FCGR1A: variants seen among roughly 807,000 people sequenced by gnomAD.
FCGR1A encodes Fc gamma receptor Ia.
In FCGR1A, 13 loss-of-function variants were observed where a neutral mutation model predicts 35.0. The observed-to-expected ratio is 0.37, with a 90% CI of 0.24 to 0.59. FCGR1A has a LOEUF of 0.59. Ranked by LOEUF, FCGR1A falls within the 20% of genes least tolerant of loss-of-function variation. The pLI, the probability that FCGR1A is intolerant of heterozygous loss-of-function variation, is 0.71. For synonymous variants in FCGR1A, 91 were observed against 164.7 expected (o/e 0.55, Z 3.43); for missense variants, 227 against 430.0 (o/e 0.53, Z 4.17).
rs1553751542 is a variant in FCGR1A, at chr1:149,790,147, T to C, written c.653T>C (p.Leu218Ser). Residue 218 changes from leucine (L) to serine (S), a missense_variant, in exon 5 of 6, where the codon TTG (leucine) becomes TCG (serine). Leu to Ser is a moderately radical substitution (Grantham distance 145, BLOSUM62 -2). Around this residue, in one of 3 missense-constraint regions of FCGR1A, gnomAD observed 185 missense variants for 306.6 expected, o/e 0.60. Transcript: ENST00000369168. ...VTLSCETKLL[L>S]QRPGLQLYFS... is the part of the protein sequence containing the mutation. ...CTGAGCTGTGAAACAAAGTTGCTCTTGCAGAGGCCTGGTTTGCAGCTTTAC... is the reference window on the plus strand; with the variant it reads ...CTGAGCTGTGAAACAAAGTTGCTCTCGCAGAGGCCTGGTTTGCAGCTTTAC... The C allele has an allele frequency of 1.2e-6, 2 of 1,613,972 alleles. No homozygotes were observed. The highest frequency in any genetic ancestry group is 2.2e-5 in the South Asian group (2 of 91,084).
downstream of FCGR1A, among the ~76,000 whole-genome samples, chr1:149,795,827 C>T (rs671102): frequency 9.2e-5 from 14 of 151,914 alleles, no homozygotes; most frequent in Non-Finnish European, 1.3e-4. Context: ...CTGAGCCATG[C>T]GTACCTAAAA....
downstream of FCGR1A, chr1:149,792,696 C>T: frequency 7.8e-7 from 1 of 1,282,040 alleles, no homozygotes; most frequent in Non-Finnish European, 1.0e-6. Context: ...CCAGCTGCGG[C>T]GAAAGCTGTT....
At chr1:149,784,563 G>C (rs1175383053) in intron 3 of FCGR1A, among the ~76,000 whole-genome samples, 2 of 151,706 alleles carry the variant, frequency 1.3e-5, no homozygotes, top group African/African-American at 4.8e-5. Flanking sequence ...TCAAACAAAT[G>C]AGCAATAATG....
intron 3 of FCGR1A, chr1:149,787,001 T>C (rs2091569888): frequency 6.6e-6 from 1 of 152,222 alleles, no homozygotes; most frequent in Non-Finnish European, 1.5e-5. Context: ...ATCAAGCCTA[T>C]TAATTGTGTC....
At position 149,791,277 on chromosome 1, in the gene FCGR1A, C is replaced by T. The variant is rs781858318; in HGVS notation, c.885C>T (p.Phe295=). 3.1e-6 allele frequency: 5 copies of T among 1,604,372 alleles called. No individual in the cohort carries two copies. The highest frequency in any genetic ancestry group is 2.7e-5 in the African/African-American group (2 of 73,538). ...CTCCTGTCTGGTTTCATGTCCTTTT[C>T]TATCTGGCAGTGGGAATAATGTTTT... The part of the protein sequence containing the change: ...LPTPVWFHVL[F]YLAVGIMFLV... Residue 295 remains phenylalanine, a synonymous_variant, in exon 6 of 6, where the codon TTC becomes TTT. Transcript: ENST00000369168.
the FCGR1A span, among the ~76,000 whole-genome samples, chr1:149,800,141 A>T: frequency 6.6e-6 from 1 of 152,050 alleles, no homozygotes; most frequent in Non-Finnish European, 1.5e-5. Flanking sequence ...TCAGAGAAAC[A>T]CTTGGGTTTA....
At chr1:149,785,408 GTTTTTTTT>G (rs10670379) in intron 3 of FCGR1A, among the ~76,000 whole-genome samples, 1 of 67,636 alleles carries the variant, frequency 1.5e-5, no homozygotes, top group Admixed American at 1.7e-4. Context: ...GAGCTGTTTC[GTTTTTTTT>G]TTTTTTTTTT....
the FCGR1A span, among the ~76,000 whole-genome samples, chr1:149,797,004 C>T: frequency 2.0e-5 from 3 of 152,192 alleles, no homozygotes; most frequent in Non-Finnish European, 2.9e-5. Flanking sequence ...CCTCCATCTC[C>T]CAGGTTCAAG....
At position 149,790,084 on chromosome 1, in the gene FCGR1A, C is replaced by G. The variant is rs587747067; in HGVS notation, c.590C>G (p.Ser197Cys). 81 of 1,613,860 alleles carry G rather than the reference C, an allele frequency of 5.0e-5. 1 individual carries two copies. In the African/African-American group the frequency reaches 8.7e-4, roughly 17 times the overall value. Residue 197 changes from serine (S) to cysteine (C), a missense_variant, in exon 5 of 6, where the codon TCT becomes TGT. Physicochemically the swap from Ser to Cys is moderately radical, Grantham distance 112 (BLOSUM62 -1). Coordinates refer to ENST00000369168, the MANE Select transcript of FCGR1A (RefSeq NM_000566.4). ...TTTCCAGCTCCAGTGCTGAATGCAT[C>G]TGTGACATCCCCACTCCTGGAGGGG... is the stretch of plus-strand genomic sequence containing the variant. ...ELFPAPVLNA[S>C]VTSPLLEGNL...
rs1553751548 is a variant in FCGR1A at position 149,790,183 on chromosome 1, A to G, written c.689A>G (p.Tyr230Cys). Reference protein sequence around the residue: ...RPGLQLYFSFYMGSKTLRGRN... With the variant: ...RPGLQLYFSFCMGSKTLRGRN... ...GGTTTGCAGCTTTACTTCTCCTTCTACATGGGCAGCAAGACCCTGCGAGGC... is the reference window on the plus strand; with the variant it reads ...GGTTTGCAGCTTTACTTCTCCTTCTGCATGGGCAGCAAGACCCTGCGAGGC... The change falls in exon 5 of 6, where the codon TAC becomes TGC. Residue 230 changes from tyrosine (Y) to cysteine (C), a missense_variant. Transcript: ENST00000369168. The G allele has an allele frequency of 6.2e-7, 1 of 1,613,798 alleles. No individual in the cohort carries two copies. Among genetic ancestry groups the G allele is most frequent in the East Asian group, 2.2e-5 (1 of 44,896 alleles).
At chr1:149,793,805 C>T (rs1553752503), downstream of FCGR1A, among the ~76,000 whole-genome samples, 1 of 151,798 alleles carries the variant, frequency 6.6e-6, no homozygotes, top group African/African-American at 2.4e-5. Context: ...GAGTTCAGGC[C>T]CGTTTCAGAA....
the FCGR1A span, among the ~76,000 whole-genome samples, chr1:149,799,097 T>A: frequency 7.0e-6 from 1 of 142,642 alleles, no homozygotes; most frequent in African/African-American, 2.7e-5. Context: ...TTTAGCAATA[T>A]CTTTTACCAA....
chr1:149,793,924 C>A (rs1553752520), downstream of FCGR1A: 1 of 1,285,584 alleles, frequency 7.8e-7, no homozygotes, highest in African/African-American at 1.5e-5. Context: ...TAAATGCCTT[C>A]AGGATTTAGG....
At position 149,791,528 on chromosome 1, in the gene FCGR1A, G is replaced by C; in HGVS notation, c.*11G>C. On this transcript the variant is annotated 3_prime_UTR_variant, in exon 6 of 6. Transcript: ENST00000369168. ...CAGGGGGCCACGTAGCAGCGGCTCAGTGGGTGGCCATCGATCTGGACCGTC... is the reference window on the plus strand; with the variant it reads ...CAGGGGGCCACGTAGCAGCGGCTCACTGGGTGGCCATCGATCTGGACCGTC... The C allele has an allele frequency of 6.2e-7, 1 of 1,610,582 alleles. No individual in the cohort carries two copies. The highest frequency in any genetic ancestry group is 2.2e-5 in the East Asian group (1 of 44,786).
At chr1:149,799,186 GAA>G in the FCGR1A span, among the ~76,000 whole-genome samples, 1 of 140,546 alleles carries the variant, frequency 7.1e-6, no homozygotes, top group Non-Finnish European at 1.5e-5. Context: ...ATAGAATTCT[GAA>G]AAGTCACCCA....
the FCGR1A span, among the ~76,000 whole-genome samples, chr1:149,800,459 A>G: frequency 1.4e-5 from 2 of 145,640 alleles, no homozygotes; most frequent in Non-Finnish European, 3.0e-5. Context: ...CTTTCTGGTC[A>G]CCAGCCCCCA....
At chr1:149,798,793 G>T in the FCGR1A span, among the ~76,000 whole-genome samples, 10 of 152,048 alleles carry the variant, frequency 6.6e-5, no homozygotes, top group African/African-American at 2.4e-4. Flanking sequence ...TTTACTTTTT[G>T]TAGAGACAGG....
At chr1:149,788,170 C>A (rs608125) in intron 3 of FCGR1A, 196 bp from the exon 4 acceptor site, 1 of 896,812 alleles carries the variant, frequency 1.1e-6, no homozygotes, top group East Asian at 2.7e-5. Context: ...GGGCTGTGTA[C>A]GCAGTTGCCA....
downstream of FCGR1A, among the ~76,000 whole-genome samples, chr1:149,796,503 G>A (rs1354714199): frequency 1.7e-4 from 26 of 152,282 alleles, no homozygotes; most frequent in Non-Finnish European, 2.4e-4. Context: ...AAAATACTTC[G>A]AAGAGGAGAA....
Sources: allele counts gnomAD v4.1 joint callset (sites outside exome capture counted in the v4.1 genomes callset), GRCh38; gene constraint gnomAD v4.1.1; regional missense constraint gnomAD v4.1.1; transcripts MANE v1.5; gene names NCBI Gene and HGNC (gene_info 2026-07-23, HGNC 2026-07-21).